The following GRIN3A variants were observed in gnomAD, a reference collection of about 807,000 sequenced individuals.
GRIN3A encodes the protein glutamate ionotropic receptor NMDA type subunit 3A, also known as glutamate receptor ionotropic, NMDA 3A.
In GRIN3A, 47 loss-of-function variants were observed where a neutral mutation model predicts 92.4. The observed-to-expected ratio is 0.51, with a 90% CI of 0.40 to 0.65. GRIN3A has a LOEUF of 0.65. GRIN3A is among the 30% of genes least tolerant of loss of function. GRIN3A has a pLI of 0.00. For synonymous variants in GRIN3A, 527 were observed against 540.6 expected, an observed-to-expected ratio of 0.97 and a Z score of 0.35; for missense variants, 1,324 against 1,393.1, an observed-to-expected ratio of 0.95 and a Z score of 0.79.
chr9:101,695,754 G>A (rs552073923), intron 1 of GRIN3A, among the ~76,000 whole-genome samples: 61 of 152,142 alleles, frequency 4.0e-4, no homozygotes, highest in African/African-American at 1.2e-3. Context: ...CCAATGACTC[G>A]TAGTATTCTG....
At chr9:101,591,226 A>G (rs1828019779) in intron 6 of GRIN3A, among the ~76,000 whole-genome samples, 2 of 152,220 alleles carry the variant, frequency 1.3e-5, no homozygotes, top group South Asian at 4.1e-4. Context: ...TATCTGTTTC[A>G]TTGCAATGCA....
chr9:101,641,762 C>T (rs528296527), intron 3 of GRIN3A, among the ~76,000 whole-genome samples: 3 of 150,206 alleles, frequency 2.0e-5, no homozygotes, highest in Non-Finnish European at 3.0e-5. Flanking sequence ...CACATGTACC[C>T]TAAAACTTAA....
At chr9:101,617,506 T>G (rs1225709764) in intron 5 of GRIN3A, among the ~76,000 whole-genome samples, 2 of 152,142 alleles carry the variant, frequency 1.3e-5, no homozygotes, top group Non-Finnish European at 2.9e-5. Context: ...ATTAAATCAC[T>G]CCACTCGATC....
chr9:101,714,108 G>C (rs902984287), intron 1 of GRIN3A, among the ~76,000 whole-genome samples: 21 of 151,998 alleles, frequency 1.4e-4, no homozygotes, highest in African/African-American at 5.1e-4. Context: ...GAAACTAAAC[G>C]CTGTAGAACA....
Position 101,579,277 on chromosome 9 carries a change from A to C in GRIN3A, c.2850T>G (p.Ile950Met). ...GCAGCCTGTATACTATGTGCTCACCAATGGTGGTCAAAATGGACAGACCAA... is the reference window on the plus strand; with the variant it reads ...GCAGCCTGTATACTATGTGCTCACCCATGGTGGTCAAAATGGACAGACCAA... ...IGFGLSILTT[I>M]GEHIVYRLLL... The change falls in exon 7 of 9, where the codon ATT (isoleucine) becomes ATG (methionine). Residue 950 changes from isoleucine (I) to methionine (M), a missense_variant. Ile to Met is a conservative substitution (Grantham distance 10). Coordinates refer to ENST00000361820, the MANE Select transcript of GRIN3A (RefSeq NM_133445.3). 6.2e-7 allele frequency: 1 copy of C among 1,614,008 alleles called. No individual in the cohort carries two copies. The highest frequency in any genetic ancestry group is 8.5e-7 in the Non-Finnish European group (1 of 1,179,908).
At chr9:101,619,825 T>C (rs1828524119) in intron 5 of GRIN3A, among the ~76,000 whole-genome samples, 1 of 152,224 alleles carries the variant, frequency 6.6e-6, no homozygotes, top group South Asian at 2.1e-4. Context: ...AATGCACAAA[T>C]TGGAGACACG....
intron 1 of GRIN3A, among the ~76,000 whole-genome samples, chr9:101,701,522 C>T (rs10989596): frequency 0.19 from 28,964 of 151,922 alleles, 3,044 homozygotes; most frequent in Non-Finnish European, 0.24. Context: ...CAAAAATCAA[C>T]TCAAGATGGA....
At chr9:101,656,300 C>A (rs1168424515) in intron 3 of GRIN3A, among the ~76,000 whole-genome samples, 1 of 151,716 alleles carries the variant, frequency 6.6e-6, no homozygotes, top group African/African-American at 2.4e-5. Flanking sequence ...AGATGTCAAC[C>A]AGCTGGGCTA....
chr9:101,578,013 C>T (rs556702627), intron 7 of GRIN3A, among the ~76,000 whole-genome samples, 169 bp from the exon 8 acceptor site: 1 of 152,244 alleles, frequency 6.6e-6, no homozygotes, highest in Non-Finnish European at 1.5e-5. Flanking sequence ...CAAATCTCAA[C>T]AGAACAAAAA....
At chr9:101,692,721 C>A (rs1378632390) in intron 1 of GRIN3A, among the ~76,000 whole-genome samples, 1 of 152,170 alleles carries the variant, frequency 6.6e-6, no homozygotes, top group South Asian at 2.1e-4. Flanking sequence ...TATCGCTTCT[C>A]CTCAGCCAAA....
intron 1 of GRIN3A, among the ~76,000 whole-genome samples, chr9:101,736,366 A>G (rs1478614768): frequency 6.6e-6 from 1 of 152,260 alleles, no homozygotes; most frequent in Non-Finnish European, 1.5e-5. Context: ...ATTACTAAAT[A>G]AGGACTCTGT....
intron 6 of GRIN3A, among the ~76,000 whole-genome samples, chr9:101,607,147 T>A (rs1828297563): frequency 7.5e-6 from 1 of 133,548 alleles, no homozygotes; most frequent in African/African-American, 3.2e-5. Flanking sequence ...GATAAAGCCC[T>A]GGAATTCAGG....
intron 1 of GRIN3A, among the ~76,000 whole-genome samples, chr9:101,697,891 G>A (rs566063469): frequency 5.9e-5 from 9 of 152,224 alleles, no homozygotes; most frequent in African/African-American, 1.9e-4. Flanking sequence ...ATTTTAATAT[G>A]TATAAATGAT....
intron 1 of GRIN3A, among the ~76,000 whole-genome samples, chr9:101,688,811 T>A (rs183033826): frequency 8.0e-4 from 122 of 152,172 alleles, no homozygotes; most frequent in African/African-American, 2.9e-3. Context: ...GAGGTTGCAG[T>A]GAGCCAAAAT....
chr9:101,660,924 G>A (rs1437367753), intron 3 of GRIN3A, among the ~76,000 whole-genome samples: 2 of 151,770 alleles, frequency 1.3e-5, no homozygotes, highest in East Asian at 3.9e-4. Context: ...AACATTTACT[G>A]AATATTTACT....
intron 1 of GRIN3A, among the ~76,000 whole-genome samples, chr9:101,710,313 A>G (rs1465715931): frequency 2.6e-5 from 4 of 152,200 alleles, no homozygotes; most frequent in Admixed American, 1.3e-4. Context: ...TCTATTTTGG[A>G]GAATTCTTAC....
At chr9:101,588,565 T>C (rs1001620197) in intron 6 of GRIN3A, among the ~76,000 whole-genome samples, 1 of 152,206 alleles carries the variant, frequency 6.6e-6, no homozygotes, top group Non-Finnish European at 1.5e-5. Flanking sequence ...GTGCAGTTTT[T>C]TGAAAAATTT....
At position 101,686,575 on chromosome 9, in the gene GRIN3A, AACCGAG is replaced by A; in HGVS notation, c.1304+15_1304+20del. 1 of 1,614,014 alleles carries A rather than the reference AACCGAG, an allele frequency of 6.2e-7. No homozygotes were observed. The highest frequency in any genetic ancestry group is 1.7e-5 in the Admixed American group (1 of 60,016). ...GTCATGGCCCTATGAATGGGGATAT[AACCGAG>A]ACCTTGCATCCTACCTTGATAAATA... On this transcript the variant is annotated intron_variant, in intron 2 of 8. Transcript: ENST00000361820.
chr9:101,644,637 T>A (rs1828912645), intron 3 of GRIN3A, among the ~76,000 whole-genome samples: 1 of 151,986 alleles, frequency 6.6e-6, no homozygotes, highest in Non-Finnish European at 1.5e-5. Flanking sequence ...CTCATTTATT[T>A]AATCCGACAA....
Sources: allele counts gnomAD v4.1 joint callset (sites outside exome capture counted in the v4.1 genomes callset), GRCh38; gene constraint gnomAD v4.1.1; transcripts MANE v1.5; gene names NCBI Gene and HGNC (gene_info 2026-07-23, HGNC 2026-07-21).